RPS6KA4: variants seen among roughly 807,000 people sequenced by gnomAD.
The protein encoded by RPS6KA4 is ribosomal protein S6 kinase alpha-4.
In RPS6KA4, 38 loss-of-function variants were observed where a neutral mutation model predicts 89.6. The observed-to-expected ratio is 0.42, with a 90% CI of 0.33 to 0.56. The LOEUF is 0.56. Ranked by LOEUF, RPS6KA4 falls within the 20% of genes least tolerant of loss-of-function variation. The probability of loss-of-function intolerance (pLI) is 0.07; values close to 1 mark genes in which losing one functional copy is unlikely to be tolerated. For synonymous variants in RPS6KA4, 495 were observed against 492.8 expected, an observed-to-expected ratio of 1.00 and a Z score of -0.06; for missense variants, 873 against 1,098.8, an observed-to-expected ratio of 0.79 and a Z score of 2.90.
In RPS6KA4 at chr11:64,371,772, A is replaced by C; in HGVS notation, c.*292A>C. The C allele has an allele frequency of 3.2e-6, 1 of 317,236 alleles. No homozygotes were observed. Among genetic ancestry groups the C allele is most frequent in the East Asian group, 6.2e-5 (1 of 16,176 alleles). The allele number at this position is 317,236 out of a possible 1,614,324, so 19.7% of individuals were successfully genotyped here. On this transcript the variant is annotated 3_prime_UTR_variant, in exon 17 of 17. Transcript: ENST00000334205. ...AGGCCCCTCCAGGGGGACTGCTCCAACAGGAAAGAGCCCCTCCCCCACTTC... is the reference window on the plus strand; with the variant it reads ...AGGCCCCTCCAGGGGGACTGCTCCACCAGGAAAGAGCCCCTCCCCCACTTC...
At chr11:64,367,717 A>G (rs1294387916) in intron 9 of RPS6KA4, among the ~76,000 whole-genome samples, 1 of 152,236 alleles carries the variant, frequency 6.6e-6, no homozygotes, top group East Asian at 1.9e-4. Flanking sequence ...TTTCTTCAGT[A>G]GCTCCCCTTG....
At position 64,370,871 on chromosome 11, in the gene RPS6KA4, C is replaced by T. The variant is rs1487480923; in HGVS notation, c.2121+145C>T. On this transcript the variant is annotated intron_variant, in intron 16 of 16. Transcript: ENST00000334205. This position sits in a 1 kb window ranked among gnomAD's most constrained non-coding sequence, Gnocchi z 4.1. ...CTGTAATCCCAGCGCTTTGGGAGGC[C>T]GAGGCGGGCGGATCACGAGGTCAGG... 1.2e-5 allele frequency: 13 copies of T among 1,041,352 alleles called. No individual in the cohort carries two copies. The highest frequency in any genetic ancestry group is 3.5e-5 in the South Asian group (2 of 57,862). 64.5% of individuals were successfully genotyped at this position (1,041,352 alleles called of 1,614,324 possible). A position where few individuals can be genotyped will look rare whatever the true frequency, so the allele number is the denominator to read the frequency against.
chr11:64,365,329 G>A lies in RPS6KA4; in HGVS notation c.935G>A (p.Arg312Lys). The change falls in exon 9 of 17, where the codon AGG becomes AAG. Residue 312 changes from arginine (R) to lysine (K), a missense_variant. Around this residue, in one of 4 missense-constraint regions of RPS6KA4, gnomAD observed 542 missense variants for 736.4 expected, o/e 0.74. Transcript: ENST00000334205. ...CTCGATTGGGTGGCTCTGGCTGCCA[G>A]GAAGATTCCAGCCCCATTCCGGCCC... Reference protein sequence around the residue: ...QGLDWVALAARKIPAPFRPQI... With the variant: ...QGLDWVALAAKKIPAPFRPQI... 6.2e-7 allele frequency: 1 copy of A among 1,613,870 alleles called. No individual in the cohort carries two copies. The highest frequency in any genetic ancestry group is 8.5e-7 in the Non-Finnish European group (1 of 1,179,862).
intron 12 of RPS6KA4, among the ~76,000 whole-genome samples, chr11:64,369,090 G>C (rs1407449741): frequency 6.6e-6 from 1 of 152,178 alleles, no homozygotes; most frequent in Non-Finnish European, 1.5e-5. Flanking sequence ...TCGGGAGTTC[G>C]AGACCAGCCT....
Position 64,370,339 on chromosome 11 carries a change from G to C in RPS6KA4, c.1912G>C (p.Glu638Gln). The C allele has an allele frequency of 6.2e-7, 1 of 1,605,360 alleles. No homozygotes were observed. Among genetic ancestry groups the C allele is most frequent in the Admixed American group, 1.8e-5 (1 of 56,456 alleles). ...IREGRFSLDGEAWQGVSEEAK... is the reference protein window; with the variant it reads ...IREGRFSLDGQAWQGVSEEAK... ...CGAGGGGCGCTTCTCCCTTGACGGG[G>C]AGGCCTGGCAGGGTGTATCCGAGGA... Residue 638 changes from glutamate (E) to glutamine (Q), a missense_variant, in exon 15 of 17, where the codon GAG becomes CAG. Transcript: ENST00000334205. The surrounding 1 kb of genome is among the most constrained non-coding windows in gnomAD (Gnocchi z 4.1).
In RPS6KA4 at chr11:64,368,566, C is replaced by T. The variant is rs747601129; in HGVS notation, c.1299C>T (p.Ser433=). ...GTCGCCGCTGCCGCCAGCGCCAGAGCGGCCAGGAGTTCGCAGTCAAGATCC... is the reference window on the plus strand; with the variant it reads ...GTCGCCGCTGCCGCCAGCGCCAGAGTGGCCAGGAGTTCGCAGTCAAGATCC... ...SVCRRCRQRQ[S]GQEFAVKILS... The change falls in exon 11 of 17, where the codon AGC becomes AGT. Residue 433 remains serine (S), a synonymous_variant. Transcript: ENST00000334205. 10 of 1,598,454 alleles carry T rather than the reference C, an allele frequency of 6.3e-6. No individual in the cohort carries two copies. The highest frequency in any genetic ancestry group is 1.8e-4 in the Middle Eastern group (1 of 5,536).
intron 12 of RPS6KA4, 117 bp downstream of exon 12, chr11:64,368,914 C>T: frequency 1.0e-6 from 1 of 960,588 alleles, no homozygotes; most frequent in Non-Finnish European, 1.6e-6. Flanking sequence ...GATTCGGGGC[C>T]CAAAGGGACC....
rs2036671171 is a variant in RPS6KA4, at chr11:64,359,287, G to A, written c.52G>A (p.Glu18Lys). ...CTGCGCCGTGGAGCTGCGGATCACA[G>A]AAGGTGGGTGTGGGGCCTGACTGCG... ...ESCAVELRIT[E>K]ANLTGHEEKV... The change falls in exon 1 of 17, where the codon GAA becomes AAA. Residue 18 changes from glutamate (E) to lysine (K), a missense_variant. By Grantham distance (56) the Glu-to-Lys change is moderately conservative (BLOSUM62 1). Coordinates refer to ENST00000334205, the MANE Select transcript of RPS6KA4 (RefSeq NM_003942.3). 9.5e-6 allele frequency: 15 copies of A among 1,581,390 alleles called. No individual in the cohort carries two copies. Among genetic ancestry groups the A allele is most frequent in the Non-Finnish European group, 1.3e-5 (15 of 1,162,182 alleles).
At chr11:64,371,231 G>A in intron 16 of RPS6KA4, 52 bp from the exon 17 acceptor site, 1 of 1,576,312 alleles carries the variant, frequency 6.3e-7, no homozygotes, top group Non-Finnish European at 8.7e-7. Context: ...AACTAGATCT[G>A]GAAGCCGGGG....
At chr11:64,366,633 T>C (rs1391407453) in intron 9 of RPS6KA4, among the ~76,000 whole-genome samples, 1 of 152,168 alleles carries the variant, frequency 6.6e-6, no homozygotes, top group African/African-American at 2.4e-5. Flanking sequence ...TGCTCAGAGG[T>C]TCCAGAATAT....
At position 64,361,452 on chromosome 11, in the gene RPS6KA4, A is replaced by T. The variant is rs2036746491; in HGVS notation, c.571-17A>T. The T allele has an allele frequency of 1.9e-6, 3 of 1,613,782 alleles. No individual in the cohort carries two copies. Among genetic ancestry groups the T allele is most frequent in the Non-Finnish European group, 2.5e-6 (3 of 1,179,864 alleles). On this transcript the variant is annotated splice_polypyrimidine_tract_variant and intron_variant, in intron 5 of 16. Transcript: ENST00000334205. The surrounding 1 kb of genome is among the most constrained non-coding windows in gnomAD (Gnocchi z 4.7). The stretch of plus-strand genomic sequence containing the variant: ...GGAGAGGTTTCGACATCTAAGCAGG[A>T]CCTCTTGCCCTCCCAGAAAGAGCGG...
At chr11:64,362,599 A>C (rs2036783950) in intron 8 of RPS6KA4, among the ~76,000 whole-genome samples, 1 of 152,254 alleles carries the variant, frequency 6.6e-6, no homozygotes, top group South Asian at 2.1e-4. Context: ...ATCGCCCAGC[A>C]GGACTTTGTA....
At chr11:64,368,829 G>A (rs1323377044) in intron 12 of RPS6KA4, 32 bp downstream of exon 12, 1 of 1,385,446 alleles carries the variant, frequency 7.2e-7, no homozygotes, top group Non-Finnish European at 9.8e-7. Context: ...AGGGCGGAGA[G>A]AAAAGGGGCA....
At chr11:64,367,826 A>C (rs645078) in intron 9 of RPS6KA4, among the ~76,000 whole-genome samples, 44,883 of 152,120 alleles carry the variant, frequency 0.3, 7,850 homozygotes, top group Non-Finnish European at 0.38. Flanking sequence ...CTCAGGCCAC[A>C]CTTTCAATAT....
intron 9 of RPS6KA4, 61 bp from the exon 10 acceptor site, chr11:64,368,071 C>T: frequency 6.1e-6 from 4 of 651,358 alleles, no homozygotes; most frequent in Non-Finnish European, 9.1e-6. Flanking sequence ...CCACCAGAGT[C>T]TCCTCACCCG....
intron 9 of RPS6KA4, among the ~76,000 whole-genome samples, chr11:64,367,340 C>G (rs1028063450): frequency 2.6e-5 from 4 of 151,764 alleles, no homozygotes; most frequent in Non-Finnish European, 4.4e-5. Context: ...GACGCAGTTT[C>G]GCTCTTGTTG....
chr11:64,367,941 C>A (rs1220451696), intron 9 of RPS6KA4, among the ~76,000 whole-genome samples, 191 bp from the exon 10 acceptor site: 1 of 152,148 alleles, frequency 6.6e-6, no homozygotes, highest in Non-Finnish European at 1.5e-5. Context: ...ACAGACATGG[C>A]CCCAAGTGAT....
At chr11:64,362,249 C>T (rs182559993) in intron 8 of RPS6KA4, among the ~76,000 whole-genome samples, 3 of 152,352 alleles carry the variant, frequency 2.0e-5, no homozygotes, top group East Asian at 1.9e-4. Flanking sequence ...ATGGATTGGT[C>T]GGTCCTTTCA....
chr11:64,359,482 A>G, intron 2 of RPS6KA4, 33 bp downstream of exon 2: 1 of 1,609,132 alleles, frequency 6.2e-7, no homozygotes, highest in Admixed American at 1.7e-5. Flanking sequence ...CAGGCGTCCC[A>G]GGCGCGGTGC....
Sources: gnomAD v4.1 joint callset for allele counts (sites outside exome capture counted in the v4.1 genomes callset) on GRCh38, gnomAD v4.1.1 for gene constraint, gnomAD v4.1.1 regional missense constraint, Gnocchi (gnomAD v3.1) non-coding constraint, MANE v1.5 for transcripts, NCBI Gene and HGNC (gene_info 2026-07-23, HGNC 2026-07-21) for gene names.